The following LDLRAD3 variants were observed in gnomAD, a reference collection of about 807,000 sequenced individuals.
LDLRAD3 encodes low density lipoprotein receptor class A domain containing 3.
A neutral mutation model predicts 29.4 loss-of-function variants in LDLRAD3; 20 were observed. The observed-to-expected ratio is 0.68, with a 90% CI of 0.48 to 0.99. LDLRAD3 has a LOEUF of 0.99. Ranked by LOEUF, LDLRAD3 falls within the 50% of genes least tolerant of loss-of-function variation. The pLI is 0.00. For missense variants in LDLRAD3, 420 were observed against 454.3 expected, an observed-to-expected ratio of 0.92 and a Z score of 0.69; for synonymous variants, 157 against 192.7, an observed-to-expected ratio of 0.81 and a Z score of 1.53.
At chr11:36,107,337 A>G (rs72470862) in intron 4 of LDLRAD3, among the ~76,000 whole-genome samples, 1 of 151,810 alleles carries the variant, frequency 6.6e-6, no homozygotes, top group African/African-American at 2.4e-5. Flanking sequence ...AGTAGCTGAG[A>G]GGCGCCCGCT....
intron 4 of LDLRAD3, among the ~76,000 whole-genome samples, chr11:36,129,034 A>G (rs2133303968): frequency 6.6e-6 from 1 of 152,198 alleles, no homozygotes; most frequent in African/African-American, 2.4e-5. Flanking sequence ...ATGTCAGGGA[A>G]GTAGAAGTAC....
At chr11:35,994,569 G>A (rs1358719912) in intron 1 of LDLRAD3, among the ~76,000 whole-genome samples, 1 of 152,146 alleles carries the variant, frequency 6.6e-6, no homozygotes, top group African/African-American at 2.4e-5. Context: ...GGTTGCTGAA[G>A]GTTGGGGTGG....
At chr11:36,179,117 C>A (rs938874876) in intron 4 of LDLRAD3, among the ~76,000 whole-genome samples, 1 of 152,154 alleles carries the variant, frequency 6.6e-6, no homozygotes, top group African/African-American at 2.4e-5. Flanking sequence ...ACATGGGAAT[C>A]CCAGGGTGTT....
At chr11:36,206,157 A>C (rs1056679259) in intron 4 of LDLRAD3, among the ~76,000 whole-genome samples, 4 of 152,244 alleles carry the variant, frequency 2.6e-5, no homozygotes, top group African/African-American at 9.6e-5. Flanking sequence ...GCAAACATTC[A>C]TTCTTGAAAT....
At chr11:36,222,226 G>T (rs1039973333) in intron 4 of LDLRAD3, among the ~76,000 whole-genome samples, 1 of 151,940 alleles carries the variant, frequency 6.6e-6, no homozygotes, top group African/African-American at 2.4e-5. Flanking sequence ...ATGCCACTAC[G>T]CCCAGCTAAT....
intron 1 of LDLRAD3, among the ~76,000 whole-genome samples, chr11:36,025,389 A>AT (rs35778261): frequency 0.3 from 40,915 of 138,020 alleles, 6,550 homozygotes; most frequent in East Asian, 0.4. Context: ...CTGGCTTCAG[A>AT]TTTTTTTTTT....
intron 1 of LDLRAD3, among the ~76,000 whole-genome samples, chr11:35,971,277 G>T (rs1200676165): frequency 6.6e-6 from 1 of 152,174 alleles, no homozygotes; most frequent in East Asian, 1.9e-4. Flanking sequence ...CCCAGTGAAA[G>T]ATTTTATTGA....
At chr11:36,100,500 C>G (rs573190521) in intron 4 of LDLRAD3, among the ~76,000 whole-genome samples, 1 of 152,142 alleles carries the variant, frequency 6.6e-6, no homozygotes, top group East Asian at 1.9e-4. Flanking sequence ...AGTGCAGTGG[C>G]GTGATCTTGG....
intron 1 of LDLRAD3, among the ~76,000 whole-genome samples, chr11:36,004,751 G>A (rs966585571): frequency 3.3e-5 from 5 of 152,208 alleles, no homozygotes; most frequent in Admixed American, 2.6e-4. Flanking sequence ...ACATCCAGGA[G>A]TTTCCATACA....
chr11:36,219,205 C>G (rs1332838918), intron 4 of LDLRAD3, among the ~76,000 whole-genome samples: 1 of 152,222 alleles, frequency 6.6e-6, no homozygotes, highest in Admixed American at 6.5e-5. Context: ...AGTTTGCCAG[C>G]TCATGGTCTA....
At chr11:36,018,866 T>C (rs1470098797) in intron 1 of LDLRAD3, among the ~76,000 whole-genome samples, 2 of 152,250 alleles carry the variant, frequency 1.3e-5, no homozygotes, top group African/African-American at 4.8e-5. Context: ...TAGCCATGTT[T>C]ATTTTTTGTG....
chr11:36,004,652 T>C (rs898404510), intron 1 of LDLRAD3, among the ~76,000 whole-genome samples: 4 of 152,242 alleles, frequency 2.6e-5, no homozygotes, highest in Non-Finnish European at 4.4e-5. Context: ...TTACTGCGTA[T>C]AGGGGCTCCA....
At chr11:36,016,678 G>T (rs749268708) in intron 1 of LDLRAD3, among the ~76,000 whole-genome samples, 1 of 152,158 alleles carries the variant, frequency 6.6e-6, no homozygotes, top group Non-Finnish European at 1.5e-5. Context: ...GGACCTCTCA[G>T]TTCCTTCCCT....
chr11:36,051,212 T>C (rs541413518), intron 2 of LDLRAD3, among the ~76,000 whole-genome samples: 10 of 152,324 alleles, frequency 6.6e-5, no homozygotes, highest in African/African-American at 2.2e-4. Context: ...TGGTGATTCC[T>C]ATGGCTGGTG....
intron 4 of LDLRAD3, among the ~76,000 whole-genome samples, chr11:36,191,578 A>ATC (rs1565291932): frequency 3.2e-5 from 2 of 61,964 alleles, no homozygotes; most frequent in Admixed American, 1.7e-4. Flanking sequence ...CTCTCTCTCT[A>ATC]TATATATATA....
intron 1 of LDLRAD3, among the ~76,000 whole-genome samples, chr11:35,966,042 C>G (rs1851337060): frequency 6.6e-6 from 1 of 152,194 alleles, no homozygotes. Flanking sequence ...AAAATGTTCT[C>G]TAACGTAAAT....
intron 1 of LDLRAD3, among the ~76,000 whole-genome samples, chr11:35,955,354 G>A (rs991310614): frequency 5.9e-5 from 9 of 152,164 alleles, no homozygotes; most frequent in Non-Finnish European, 1.0e-4. Context: ...GTCAAACCAC[G>A]CAAATGATTC....
intron 4 of LDLRAD3, among the ~76,000 whole-genome samples, chr11:36,201,539 A>G (rs553211846): frequency 6.6e-6 from 1 of 152,354 alleles, no homozygotes; most frequent in Admixed American, 6.5e-5. Context: ...CTTGCAATTA[A>G]TTTCAACAGT....
Position 36,021,799 on chromosome 11 carries a change from T to C in LDLRAD3, c.47-14304T>C, listed in dbSNP as rs141898595. Among the ~76,000 whole-genome samples the C allele has an allele frequency of 1.3e-4, 20 of 152,276 alleles. No individual in the cohort carries two copies. In the East Asian group the frequency reaches 3.9e-3, roughly 29 times the overall value. On this transcript the variant is annotated intron_variant, in intron 1 of 5. Transcript: ENST00000315571. ...TGTGACTTACAGGCACATGCCACTA[T>C]GCCTGGCTAATTTTTAATTCTTTCT...
Sources: allele counts gnomAD v4.1 joint callset (sites outside exome capture counted in the v4.1 genomes callset), GRCh38; gene constraint gnomAD v4.1.1; transcripts MANE v1.5; gene names NCBI Gene and HGNC (gene_info 2026-07-23, HGNC 2026-07-21).